Variants in CRAMP1 observed in about 807,000 individuals in gnomAD.
CRAMP1 encodes the protein protein cramped-like.
CRAMP1 carries 50 observed loss-of-function variants against 115.4 expected under a neutral mutation model. That is an observed-to-expected ratio of 0.43 (90% CI 0.35 to 0.55). The LOEUF is 0.55. Ranked by LOEUF, CRAMP1 falls within the 20% of genes least tolerant of loss-of-function variation. The pLI is 0.01. For missense variants in CRAMP1, 1,679 were observed against 1,721.7 expected (o/e 0.98, Z 0.44); for synonymous variants, 866 against 745.4 (o/e 1.16, Z -2.64).
Position 1,618,928 on chromosome 16 carries a change from G to T in CRAMP1, c.346+3943G>T, listed in dbSNP as rs572937044. 2.6e-5 allele frequency among the ~76,000 whole-genome samples: 4 copies of T among 152,302 alleles called. No homozygotes were observed. The South Asian group carries it at 8.3e-4, about 32-fold the overall frequency. ...GCAAAATTTGAACATTGGTTTGAAGGCTGAGCTGCTTTTCAAATACCTGTA... is the reference window on the plus strand; with the variant it reads ...GCAAAATTTGAACATTGGTTTGAAGTCTGAGCTGCTTTTCAAATACCTGTA... On this transcript the variant is annotated intron_variant, in intron 2 of 20. Transcript: ENST00000397412.
At chr16:1,616,555 T>A (rs2036421902) in intron 2 of CRAMP1, among the ~76,000 whole-genome samples, 1 of 152,148 alleles carries the variant, frequency 6.6e-6, no homozygotes, top group East Asian at 1.9e-4. Flanking sequence ...ACGTTAGTGA[T>A]CAGGTCAATT....
intron 8 of CRAMP1, 134 bp downstream of exon 8, chr16:1,653,290 A>G (rs1249994166): frequency 3.7e-6 from 4 of 1,081,510 alleles, no homozygotes; most frequent in African/African-American, 3.2e-5. Flanking sequence ...ACGAGGACGC[A>G]GCAGTGTGGA....
rs1177340980 is a variant in CRAMP1 at position 1,612,642 on chromosome 16, G to A, written c.-17G>A. 6.6e-6 allele frequency among the ~76,000 whole-genome samples: 1 copy of A among 151,986 alleles called. No homozygotes were observed. The highest frequency in any genetic ancestry group is 2.1e-4 in the South Asian group (1 of 4,832). On this transcript the variant is annotated 5_prime_UTR_variant, in exon 1 of 21. Transcript: ENST00000397412. ...GCCCCGGGAAGCCAGGCTGCCGCCC[G>A]GCGTTGATGAAAAAGGTGACCAAGG... is the stretch of plus-strand genomic sequence containing the variant.
At chr16:1,622,611 TTCTG>T (rs1028948152) in intron 2 of CRAMP1, among the ~76,000 whole-genome samples, 4 of 152,302 alleles carry the variant, frequency 2.6e-5, no homozygotes, top group South Asian at 2.1e-4. Flanking sequence ...TTTTGGGGTT[TTCTG>T]TCTGTTTTGT....
intron 2 of CRAMP1, among the ~76,000 whole-genome samples, chr16:1,622,942 G>GTA (rs1446475937): frequency 6.6e-6 from 1 of 151,930 alleles, no homozygotes. Flanking sequence ...TGTATATTTA[G>GTA]TAGAGACAGG....
chr16:1,617,364 T>TC, intron 2 of CRAMP1, among the ~76,000 whole-genome samples: 1 of 152,338 alleles, frequency 6.6e-6, no homozygotes, highest in Admixed American at 6.5e-5. Flanking sequence ...AGACCTCTGC[T>TC]CAGTCGTTGC....
At chr16:1,623,349 C>T (rs1036432216) in intron 2 of CRAMP1, among the ~76,000 whole-genome samples, 3 of 152,212 alleles carry the variant, frequency 2.0e-5, no homozygotes, top group Admixed American at 6.5e-5. Flanking sequence ...TGTGCCTTTG[C>T]CTCCTCTCCA....
rs760837168 is a variant in CRAMP1 at position 1,669,098 on chromosome 16, C to T, written c.3432C>T (p.Ala1144=). The change falls in exon 19 of 21, where the codon GCC becomes GCT. Residue 1144 remains alanine, a synonymous_variant. Transcript: ENST00000397412. The surrounding 1 kb of genome is among the most constrained non-coding windows in gnomAD (Gnocchi z 4.6). The part of the protein sequence containing the change: ...PSSSPQPHWI[A]SPTHDPQWYP... ...GCAGCCCCCAGCCACACTGGATCGC[C>T]TCTCCCACCCACGACCCCCAGTGGT... is the stretch of plus-strand genomic sequence containing the variant. 1 of 1,611,516 alleles carries T rather than the reference C, an allele frequency of 6.2e-7. No homozygotes were observed. Among genetic ancestry groups the T allele is most frequent in the South Asian group, 1.1e-5 (1 of 90,466 alleles).
chr16:1,630,830 C>T lies in CRAMP1; in HGVS notation c.541-1382C>T, dbSNP rs1334530947. On this transcript the variant is annotated intron_variant, in intron 3 of 20. Coordinates refer to ENST00000397412, the MANE Select transcript of CRAMP1 (RefSeq NM_020825.4). ...AGTTTGGGTTGATCTGCAGTTTCCT[C>T]ATGATTCTATGTTACGCATTTCTGT... Among the ~76,000 whole-genome samples the T allele has an allele frequency of 3.9e-5, 6 of 152,354 alleles. No homozygotes were observed. In the East Asian group the frequency reaches 9.6e-4, roughly 24 times the overall value.
At chr16:1,655,121 CTT>C in intron 8 of CRAMP1, 96 bp from the exon 9 acceptor site, 1 of 1,100,200 alleles carries the variant, frequency 9.1e-7, no homozygotes, top group Non-Finnish European at 1.4e-6. Flanking sequence ...TCCCTTGTCT[CTT>C]TTGGCACCCT....
chr16:1,661,981 G>C (rs2036834628), intron 11 of CRAMP1, among the ~76,000 whole-genome samples: 1 of 152,228 alleles, frequency 6.6e-6, no homozygotes, highest in Non-Finnish European at 1.5e-5. Context: ...CTGCAGCCCA[G>C]ATCCAGCTCA....
Position 1,655,871 on chromosome 16 carries a change from A to G in CRAMP1, c.1120-6A>G. 1 of 1,600,824 alleles carries G rather than the reference A, an allele frequency of 6.2e-7. No individual in the cohort carries two copies. Among genetic ancestry groups the G allele is most frequent in the South Asian group, 1.1e-5 (1 of 89,690 alleles). On this transcript the variant is annotated splice_region_variant and splice_polypyrimidine_tract_variant and intron_variant, in intron 9 of 20. Coordinates refer to ENST00000397412, the MANE Select transcript of CRAMP1 (RefSeq NM_020825.4). Reference sequence around the variant, plus strand: ...CCAGTGTGGGCCTTCCTTGACGGGCACTCAGCGGAAGACACTCGAGGAGCG... The same window carrying G: ...CCAGTGTGGGCCTTCCTTGACGGGCGCTCAGCGGAAGACACTCGAGGAGCG...
Position 1,630,501 on chromosome 16 carries a change from CAGCACAA to C in CRAMP1, c.541-1706_541-1700del, listed in dbSNP as rs1163376139. 1.1e-4 allele frequency among the ~76,000 whole-genome samples: 16 copies of C among 152,284 alleles called. No individual in the cohort carries two copies. In the East Asian group the frequency reaches 3.1e-3, roughly 29 times the overall value. On this transcript the variant is annotated intron_variant, in intron 3 of 20. Coordinates refer to ENST00000397412, the MANE Select transcript of CRAMP1 (RefSeq NM_020825.4). ...TCAGACTTTTTAAAAGTTGCAAAAA[CAGCACAA>C]AGCAGGTCCCCTCCACCCTGCCTCC...
intron 3 of CRAMP1, among the ~76,000 whole-genome samples, chr16:1,630,755 A>T (rs1438448519): frequency 1.3e-5 from 2 of 151,972 alleles, no homozygotes; most frequent in Non-Finnish European, 2.9e-5. Flanking sequence ...GATGACCTCA[A>T]CACTTGTGGA....
chr16:1,657,578 C>A (rs2036787102), intron 10 of CRAMP1, among the ~76,000 whole-genome samples: 1 of 152,220 alleles, frequency 6.6e-6, no homozygotes, highest in Admixed American at 6.5e-5. Context: ...CAGAGGCTGT[C>A]ACAGAAGAGC....
At chr16:1,631,371 G>A (rs1411226899) in intron 3 of CRAMP1, among the ~76,000 whole-genome samples, 2 of 152,208 alleles carry the variant, frequency 1.3e-5, no homozygotes, top group African/African-American at 2.4e-5. Flanking sequence ...CGTCCCCATC[G>A]CCTGCCAGTG....
chr16:1,628,794 T>G (rs1178553715), intron 3 of CRAMP1, among the ~76,000 whole-genome samples: 1 of 152,188 alleles, frequency 6.6e-6, no homozygotes, highest in Non-Finnish European at 1.5e-5. Flanking sequence ...TGGGGCCTGA[T>G]TGGATGCAGG....
In CRAMP1 at chr16:1,650,720, A is replaced by C. The variant is rs554115082; in HGVS notation, c.828-1776A>C. Among the ~76,000 whole-genome samples, 5 of 152,386 alleles carry C rather than the reference A, an allele frequency of 3.3e-5. No homozygotes were observed. The South Asian group carries it at 1.0e-3, about 32-fold the overall frequency. On this transcript the variant is annotated intron_variant, in intron 6 of 20. Transcript: ENST00000397412. ...TAGCTTTTTTCATAGACTGTTTCTT[A>C]GAAATTGAATAGCAACAGCAAATAT...
intron 4 of CRAMP1, among the ~76,000 whole-genome samples, chr16:1,632,763 C>G (rs368969616): frequency 5.3e-5 from 8 of 152,202 alleles, no homozygotes; most frequent in African/African-American, 1.9e-4. Context: ...TCCTGGGGGA[C>G]GGCCAGCCTT....
Sources: gnomAD v4.1 joint callset for allele counts (sites outside exome capture counted in the v4.1 genomes callset) on GRCh38, gnomAD v4.1.1 for gene constraint, Gnocchi (gnomAD v3.1) non-coding constraint, MANE v1.5 for transcripts, NCBI Gene and HGNC (gene_info 2026-07-23, HGNC 2026-07-21) for gene names.